Variants in GRIN2A observed in about 807,000 individuals in gnomAD.
GRIN2A encodes glutamate ionotropic receptor NMDA type subunit 2A.
In GRIN2A, 22 loss-of-function variants were observed where a neutral mutation model predicts 113.4. The observed-to-expected ratio is 0.19, with a 90% CI of 0.14 to 0.28. GRIN2A has a LOEUF of 0.28. Among genes scored for constraint, GRIN2A ranks in the 10% least tolerant of loss-of-function variants. GRIN2A has a pLI of 1.00. For synonymous variants in GRIN2A, 827 were observed against 738.4 expected (o/e 1.12, Z -1.94); for missense variants, 1,502 against 1,887.0 (o/e 0.80, Z 3.78).
intron 2 of GRIN2A, among the ~76,000 whole-genome samples, chr16:10,072,078 A>T (rs570876338): frequency 1.3e-5 from 2 of 152,322 alleles, no homozygotes; most frequent in South Asian, 2.1e-4. Flanking sequence ...GAAAGTGATG[A>T]TACCTCTATC....
At chr16:9,956,526 T>G (rs2045314295) in intron 2 of GRIN2A, among the ~76,000 whole-genome samples, 1 of 152,186 alleles carries the variant, frequency 6.6e-6, no homozygotes, top group Non-Finnish European at 1.5e-5. Flanking sequence ...TTTAATTAAT[T>G]CATTCATTTA....
intron 4 of GRIN2A, among the ~76,000 whole-genome samples, chr16:9,867,094 T>C (rs926948499): frequency 6.6e-6 from 1 of 152,142 alleles, no homozygotes; most frequent in African/African-American, 2.4e-5. Context: ...TTTCTTGTCA[T>C]ACCCACAATT....
chr16:10,027,369 GT>G (rs1429499302), intron 2 of GRIN2A, among the ~76,000 whole-genome samples: 1 of 152,112 alleles, frequency 6.6e-6, no homozygotes, highest in African/African-American at 2.4e-5. Context: ...TATAGTGAAT[GT>G]CCCCCCCTGC....
intron 2 of GRIN2A, among the ~76,000 whole-genome samples, chr16:10,094,602 A>G (rs548195659): frequency 6.6e-6 from 1 of 152,152 alleles, no homozygotes; most frequent in Non-Finnish European, 1.5e-5. Flanking sequence ...GGCACCCACC[A>G]CAATGCCTGG....
chr16:10,042,468 G>A (rs1195388309), intron 2 of GRIN2A, among the ~76,000 whole-genome samples: 1 of 152,120 alleles, frequency 6.6e-6, no homozygotes, highest in Non-Finnish European at 1.5e-5. Context: ...CAGTCCTCCA[G>A]CCTCAGTCCA....
intron 2 of GRIN2A, among the ~76,000 whole-genome samples, chr16:10,167,993 A>G (rs1269226449): frequency 1.3e-5 from 2 of 152,226 alleles, no homozygotes; most frequent in African/African-American, 4.8e-5. Flanking sequence ...CTGGCTCTTT[A>G]GAATACAAAC....
At chr16:9,940,057 A>AGT (rs1411329387) in intron 2 of GRIN2A, among the ~76,000 whole-genome samples, 238 of 123,630 alleles carry the variant, frequency 1.9e-3, no homozygotes, top group African/African-American at 7.1e-3. Flanking sequence ...AGAGAGAGAG[A>AGT]GAGAGTGTGT....
At chr16:10,067,798 A>AG (rs1346090910) in intron 2 of GRIN2A, among the ~76,000 whole-genome samples, 1 of 152,124 alleles carries the variant, frequency 6.6e-6, no homozygotes, top group Non-Finnish European at 1.5e-5. Flanking sequence ...TAAATTGGGC[A>AG]GGGGGTGCTA....
intron 3 of GRIN2A, among the ~76,000 whole-genome samples, chr16:9,908,695 C>T (rs2044074656): frequency 6.6e-6 from 1 of 152,206 alleles, no homozygotes; most frequent in Admixed American, 6.5e-5. Flanking sequence ...GTTTGAAGCC[C>T]AGCAGAGCCC....
In GRIN2A at chr16:9,993,778, ACCC is replaced by A. The variant is rs2046171682; in HGVS notation, c.415-55230_415-55228del. On this transcript the variant is annotated intron_variant, in intron 2 of 12. Coordinates refer to ENST00000330684, the MANE Select transcript of GRIN2A (RefSeq NM_001134407.3). ...AAACCTAAATCTGCCCCTAACTCCA[ACCC>A]CCATTCGTAAAGACCCCAGTCTCCA... 2.0e-5 allele frequency among the ~76,000 whole-genome samples: 3 copies of A among 151,566 alleles called. No individual in the cohort carries two copies. The South Asian group carries it at 6.3e-4, about 32-fold the overall frequency.
chr16:10,019,274 G>A (rs1393321209), intron 2 of GRIN2A, among the ~76,000 whole-genome samples: 2 of 152,214 alleles, frequency 1.3e-5, no homozygotes, highest in African/African-American at 2.4e-5. Context: ...CATGTGACAA[G>A]CATTTGATAC....
Position 9,757,567 on chromosome 16 carries a change from C to T in GRIN2A, c.*5582G>A, listed in dbSNP as rs1900403804. Reference sequence around the variant, plus strand: ...CTATATTTTCTATTTATTTTGCATCCCCTCCCCCACAATCCCAAACTGGCT... The same window carrying T: ...CTATATTTTCTATTTATTTTGCATCTCCTCCCCCACAATCCCAAACTGGCT... On this transcript the variant is annotated 3_prime_UTR_variant, in exon 13 of 13. Transcript: ENST00000330684. 3 of 226,282 alleles carry T rather than the reference C, an allele frequency of 1.3e-5. No individual in the cohort carries two copies. Among genetic ancestry groups the T allele is most frequent in the Non-Finnish European group, 1.8e-5 (2 of 113,726 alleles). 14.0% of individuals were successfully genotyped at this position (226,282 alleles called of 1,614,324 possible).
chr16:9,772,472 GGTGAT>G (rs1211331519), intron 11 of GRIN2A, among the ~76,000 whole-genome samples: 1 of 152,132 alleles, frequency 6.6e-6, no homozygotes, highest in Non-Finnish European at 1.5e-5. Context: ...CCTGGGCTCA[GGTGAT>G]CCTCCCACCT....
chr16:10,156,317 A>C (rs1209061346), intron 2 of GRIN2A, among the ~76,000 whole-genome samples: 1 of 152,260 alleles, frequency 6.6e-6, no homozygotes, highest in African/African-American at 2.4e-5. Context: ...GCAGAATATA[A>C]ATTTTAAAAA....
At chr16:10,050,768 G>C (rs2047345441) in intron 2 of GRIN2A, among the ~76,000 whole-genome samples, 2 of 152,056 alleles carry the variant, frequency 1.3e-5, no homozygotes, top group African/African-American at 4.8e-5. Context: ...CACGAAACTG[G>C]TCCCTGGTGC....
At chr16:9,880,572 A>T (rs1043621518) in intron 4 of GRIN2A, among the ~76,000 whole-genome samples, 1 of 152,214 alleles carries the variant, frequency 6.6e-6, no homozygotes, top group African/African-American at 2.4e-5. Context: ...GTGACAGCTC[A>T]TCATGTCACA....
intron 2 of GRIN2A, among the ~76,000 whole-genome samples, chr16:9,951,967 C>G (rs1430424296): frequency 3.7e-4 from 56 of 152,280 alleles, no homozygotes; most frequent in Non-Finnish European, 4.4e-5. Flanking sequence ...AGCCCTGACA[C>G]TCACTGCCCA....
At chr16:10,084,111 C>G (rs1360905998) in intron 2 of GRIN2A, among the ~76,000 whole-genome samples, 2 of 152,110 alleles carry the variant, frequency 1.3e-5, no homozygotes, top group Non-Finnish European at 2.9e-5. Context: ...ACAACAACAA[C>G]AAAAGGCATT....
At chr16:9,832,857 A>T (rs1487419323) in intron 8 of GRIN2A, among the ~76,000 whole-genome samples, 12 of 152,218 alleles carry the variant, frequency 7.9e-5, no homozygotes, top group Admixed American at 7.9e-4. Context: ...AAGATGGTTT[A>T]TGTGGTAATC....
Sources: gnomAD v4.1 joint callset for allele counts (sites outside exome capture counted in the v4.1 genomes callset) on GRCh38, gnomAD v4.1.1 for gene constraint, MANE v1.5 for transcripts, NCBI Gene and HGNC (gene_info 2026-07-23, HGNC 2026-07-21) for gene names.